Variants in TAFA1 observed in about 807,000 individuals in gnomAD.
TAFA1 encodes the protein chemokine-like protein TAFA-1.
TAFA1 carries 4 observed loss-of-function variants against 18.5 expected under a neutral mutation model. The observed-to-expected ratio is 0.22, with a 90% CI of 0.11 to 0.49. TAFA1 has a LOEUF of 0.49. Among genes scored for constraint, TAFA1 ranks in the 20% least tolerant of loss-of-function variants. The pLI, the probability that TAFA1 is intolerant of heterozygous loss-of-function variation, is 0.98. For synonymous variants in TAFA1, 56 were observed against 55.2 expected, an observed-to-expected ratio of 1.01 and a Z score of -0.06; for missense variants, 147 against 169.0, an observed-to-expected ratio of 0.87 and a Z score of 0.72.
intron 2 of TAFA1, among the ~76,000 whole-genome samples, chr3:68,329,358 G>T (rs998720870): frequency 3.3e-5 from 5 of 151,440 alleles, no homozygotes; most frequent in Non-Finnish European, 1.5e-5. Flanking sequence ...GAGCCACAGC[G>T]CCCAGCCACT....
chr3:68,178,884 G>A (rs1424861979), intron 2 of TAFA1, among the ~76,000 whole-genome samples: 2 of 152,226 alleles, frequency 1.3e-5, no homozygotes, highest in Non-Finnish European at 2.9e-5. Context: ...GTGGAGAATG[G>A]CTTGAAGAAA....
chr3:68,025,094 C>T (rs1305330242), intron 2 of TAFA1, among the ~76,000 whole-genome samples: 1 of 152,114 alleles, frequency 6.6e-6, no homozygotes, highest in African/African-American at 2.4e-5. Flanking sequence ...CACACCTATT[C>T]CATCCATACC....
chr3:68,298,117 A>C (rs141051095), intron 2 of TAFA1, among the ~76,000 whole-genome samples: 21 of 152,278 alleles, frequency 1.4e-4, no homozygotes, highest in African/African-American at 4.6e-4. Context: ...AAATGTCTGC[A>C]CTTCCTTTCA....
At chr3:68,537,343 A>G (rs2073292605) in intron 3 of TAFA1, among the ~76,000 whole-genome samples, 2 of 152,320 alleles carry the variant, frequency 1.3e-5, no homozygotes, top group South Asian at 4.1e-4. Flanking sequence ...TAACCCCCTA[A>G]TGGCATATAA....
At chr3:68,539,785 G>T (rs2073343249) in intron 4 of TAFA1, among the ~76,000 whole-genome samples, 1 of 147,490 alleles carries the variant, frequency 6.8e-6, no homozygotes, top group Non-Finnish European at 1.5e-5. Flanking sequence ...GAGAGAGGGG[G>T]GTCTCACTCT....
At chr3:68,371,317 G>C (rs1043416639) in intron 2 of TAFA1, among the ~76,000 whole-genome samples, 1 of 151,966 alleles carries the variant, frequency 6.6e-6, no homozygotes, top group Non-Finnish European at 1.5e-5. Context: ...CTGTCAACCT[G>C]TCATCTAGGT....
intron 2 of TAFA1, among the ~76,000 whole-genome samples, chr3:68,139,010 C>G (rs577616502): frequency 1.2e-4 from 19 of 152,278 alleles, no homozygotes; most frequent in African/African-American, 3.6e-4. Flanking sequence ...TTGTTAATTA[C>G]TGCCCTTGAG....
chr3:68,275,348 A>G (rs186395737), intron 2 of TAFA1, among the ~76,000 whole-genome samples: 1 of 152,192 alleles, frequency 6.6e-6, no homozygotes, highest in East Asian at 1.9e-4. Context: ...GGAATAAAGG[A>G]GAGATGTCCA....
chr3:68,288,828 C>A (rs528977652), intron 2 of TAFA1, among the ~76,000 whole-genome samples: 1 of 152,156 alleles, frequency 6.6e-6, no homozygotes, highest in African/African-American at 2.4e-5. Flanking sequence ...AATTCTTATT[C>A]AAAAATGCTC....
chr3:68,328,491 C>T lies in TAFA1; in HGVS notation c.119-88789C>T, dbSNP rs575702291. ...TTGCTGGGGAAAATGTCTGCTGGGC[C>T]GGGAAGCTAGTCTAAGCATTTCAGC... On this transcript the variant is annotated intron_variant, in intron 2 of 4. Transcript: ENST00000478136. Among the ~76,000 whole-genome samples, 5 of 152,228 alleles carry T rather than the reference C, an allele frequency of 3.3e-5. No individual in the cohort carries two copies. In the South Asian group the frequency reaches 8.3e-4, roughly 25 times the overall value.
intron 2 of TAFA1, among the ~76,000 whole-genome samples, chr3:68,311,674 C>T (rs1218616594): frequency 2.0e-5 from 3 of 152,250 alleles, no homozygotes; most frequent in Admixed American, 1.3e-4. Flanking sequence ...GCAGCTTCAC[C>T]CCTGTGGCTT....
intron 3 of TAFA1, among the ~76,000 whole-genome samples, chr3:68,456,755 A>G (rs767981119): frequency 2.6e-5 from 4 of 152,224 alleles, no homozygotes; most frequent in Non-Finnish European, 5.9e-5. Flanking sequence ...GCCTGCTGGC[A>G]TAGTTGCAGC....
chr3:68,043,033 C>T (rs912849201), intron 2 of TAFA1, among the ~76,000 whole-genome samples: 6 of 152,016 alleles, frequency 3.9e-5, no homozygotes, highest in African/African-American at 4.8e-5. Flanking sequence ...TACAGGTGCC[C>T]GCCACCATGC....
chr3:68,403,948 A>G (rs970318211), intron 2 of TAFA1, among the ~76,000 whole-genome samples: 21 of 152,318 alleles, frequency 1.4e-4, no homozygotes, highest in Admixed American at 1.3e-3. Flanking sequence ...GCCCAGGAAG[A>G]GAAGACAGTC....
rs147173002 is a variant in TAFA1, at chr3:68,100,436, A to G, written c.118+93692A>G. 2.7e-3 allele frequency among the ~76,000 whole-genome samples: 407 copies of G among 152,218 alleles called. 2 individuals carry two copies. The highest frequency in any genetic ancestry group is 9.5e-3 in the African/African-American group (395 of 41,544). Reference sequence around the variant, plus strand: ...GAGGTGGAGGTTGCAATGGGCCAAGAGCACTCCAGCCTGGGCAACAGAGGG... The same window carrying G: ...GAGGTGGAGGTTGCAATGGGCCAAGGGCACTCCAGCCTGGGCAACAGAGGG... On this transcript the variant is annotated intron_variant, in intron 2 of 4. Coordinates refer to ENST00000478136, the MANE Select transcript of TAFA1 (RefSeq NM_213609.4).
At chr3:68,354,411 C>T (rs181736146) in intron 2 of TAFA1, among the ~76,000 whole-genome samples, 1 of 152,060 alleles carries the variant, frequency 6.6e-6, no homozygotes, top group Admixed American at 6.6e-5. Context: ...CTCTTTTAGG[C>T]ATGACATGTG....
chr3:68,101,792 T>C (rs2065150660), intron 2 of TAFA1, among the ~76,000 whole-genome samples: 1 of 152,094 alleles, frequency 6.6e-6, no homozygotes, highest in Non-Finnish European at 1.5e-5. Flanking sequence ...TGGAGTGCTC[T>C]CCAAAAACTG....
chr3:68,089,932 GA>G (rs1157247076), intron 2 of TAFA1, among the ~76,000 whole-genome samples: 1 of 152,190 alleles, frequency 6.6e-6, no homozygotes, highest in African/African-American at 2.4e-5. Flanking sequence ...TGTGATCTCT[GA>G]GAATGAAATT....
intron 2 of TAFA1, among the ~76,000 whole-genome samples, chr3:68,138,027 G>C (rs1046283509): frequency 1.3e-5 from 2 of 150,356 alleles, no homozygotes; most frequent in Admixed American, 6.6e-5. Flanking sequence ...TTTACTTCCC[G>C]AAAATTAGGG....
Sources: allele counts gnomAD v4.1 joint callset (sites outside exome capture counted in the v4.1 genomes callset), GRCh38; gene constraint gnomAD v4.1.1; transcripts MANE v1.5; gene names NCBI Gene and HGNC (gene_info 2026-07-23, HGNC 2026-07-21).